SEMA3A: variants seen among roughly 807,000 people sequenced by gnomAD.
SEMA3A encodes the protein semaphorin 3A.
SEMA3A carries 29 observed loss-of-function variants against 97.9 expected under a neutral mutation model. The ratio of observed to expected loss-of-function variants is 0.30; its 90% CI spans 0.22 to 0.40. The LOEUF (loss-of-function observed/expected upper bound fraction) is 0.40, where lower values mean the gene tolerates loss of function less well. SEMA3A is among the 10% of genes least tolerant of loss of function. The pLI, the probability that SEMA3A is intolerant of heterozygous loss-of-function variation, is 1.00. For synonymous variants in SEMA3A, 321 were observed against 323.7 expected (o/e 0.99, Z 0.09); for missense variants, 763 against 951.3 (o/e 0.80, Z 2.60).
intron 1 of SEMA3A, among the ~76,000 whole-genome samples, chr7:84,181,293 A>G (rs1021482288): frequency 6.7e-6 from 1 of 148,862 alleles, no homozygotes; most frequent in African/African-American, 2.4e-5. Flanking sequence ...TCAGGTTTAC[A>G]TGGTCAAACT....
At chr7:83,998,181 A>G (rs1361668223) in intron 12 of SEMA3A, among the ~76,000 whole-genome samples, 1 of 152,136 alleles carries the variant, frequency 6.6e-6, no homozygotes, top group Non-Finnish European at 1.5e-5. Context: ...ACAGAGATAC[A>G]TTCTGAGAAA....
intron 4 of SEMA3A, among the ~76,000 whole-genome samples, chr7:84,086,480 T>G (rs1794354947): frequency 2.0e-5 from 1 of 50,924 alleles, no homozygotes; most frequent in East Asian, 7.1e-4. Flanking sequence ...TGTATTATTA[T>G]ATTATATTTA....
chr7:84,079,794 G>A (rs1186562442), intron 4 of SEMA3A, among the ~76,000 whole-genome samples: 1 of 126,816 alleles, frequency 7.9e-6, no homozygotes, highest in Non-Finnish European at 1.6e-5. Flanking sequence ...AGTCAGTGTG[G>A]CGATTCCTCA....
intron 6 of SEMA3A, among the ~76,000 whole-genome samples, chr7:84,022,017 C>T (rs961322823): frequency 5.3e-5 from 8 of 152,010 alleles, no homozygotes; most frequent in African/African-American, 1.9e-4. Flanking sequence ...AGAAGCTGTT[C>T]TTTTCTTTGC....
At chr7:84,402,451 C>T (rs1377398269) in intron 1 of SEMA3A, among the ~76,000 whole-genome samples, 1 of 152,120 alleles carries the variant, frequency 6.6e-6, no homozygotes, top group African/African-American at 2.4e-5. Flanking sequence ...CCTCAAAAAA[C>T]TATAATTAGA....
At chr7:84,437,017 C>A (rs1374452657) in intron 1 of SEMA3A, among the ~76,000 whole-genome samples, 1 of 152,092 alleles carries the variant, frequency 6.6e-6, no homozygotes, top group Non-Finnish European at 1.5e-5. Context: ...ATGACAGGAA[C>A]ACAGACAAAA....
intron 1 of SEMA3A, among the ~76,000 whole-genome samples, chr7:84,464,433 A>G (rs1451273916): frequency 6.6e-6 from 1 of 152,212 alleles, no homozygotes; most frequent in Non-Finnish European, 1.5e-5. Flanking sequence ...ATATGGAGAA[A>G]GAACGTTCTA....
intron 1 of SEMA3A, among the ~76,000 whole-genome samples, chr7:84,391,851 T>C (rs1276195294): frequency 2.0e-5 from 3 of 151,538 alleles, no homozygotes; most frequent in Non-Finnish European, 4.4e-5. Context: ...TGTATGCCTG[T>C]AGTCCCAGCT....
intron 4 of SEMA3A, among the ~76,000 whole-genome samples, chr7:84,081,060 G>A (rs62473957): frequency 0.53 from 79,770 of 151,524 alleles, 22,015 homozygotes; most frequent in Non-Finnish European, 0.6. Flanking sequence ...AATGCAAGAG[G>A]TTTAAATAAG....
intron 1 of SEMA3A, among the ~76,000 whole-genome samples, chr7:84,384,896 C>T (rs1313821304): frequency 6.6e-6 from 1 of 152,138 alleles, no homozygotes; most frequent in African/African-American, 2.4e-5. Flanking sequence ...CAAAGAAACA[C>T]TCTTAACTAC....
intron 4 of SEMA3A, among the ~76,000 whole-genome samples, chr7:84,088,408 C>T (rs1050995827): frequency 6.6e-6 from 1 of 151,518 alleles, no homozygotes; most frequent in African/African-American, 2.4e-5. Flanking sequence ...GAGCCAAGAT[C>T]GCACCACTGC....
intron 3 of SEMA3A, among the ~76,000 whole-genome samples, chr7:84,270,958 T>A (rs1584189189): frequency 6.6e-6 from 1 of 152,100 alleles, no homozygotes; most frequent in Middle Eastern, 3.4e-3. Flanking sequence ...ATTGAATAGG[T>A]TGACATTTTT....
At chr7:84,268,268 T>TGTGG (rs1328540310) in intron 3 of SEMA3A, among the ~76,000 whole-genome samples, 31 of 151,112 alleles carry the variant, frequency 2.1e-4, no homozygotes, top group Admixed American at 1.3e-3. Context: ...TGTGTGTGTG[T>TGTGG]GTGTGTGTGT....
At chr7:84,234,776 T>A (rs1175818978) in intron 3 of SEMA3A, among the ~76,000 whole-genome samples, 1 of 152,114 alleles carries the variant, frequency 6.6e-6, no homozygotes, top group Non-Finnish European at 1.5e-5. Context: ...TTTATATATC[T>A]GTAGATTTAC....
chr7:84,175,159 T>C (rs1349814507), intron 1 of SEMA3A, among the ~76,000 whole-genome samples: 1 of 152,114 alleles, frequency 6.6e-6, no homozygotes, highest in Non-Finnish European at 1.5e-5. Context: ...TTCCTACTGC[T>C]TGTTCTACTT....
chr7:84,356,267 C>T (rs1185874676), intron 2 of SEMA3A, among the ~76,000 whole-genome samples: 2 of 151,268 alleles, frequency 1.3e-5, no homozygotes, highest in African/African-American at 4.8e-5. Context: ...TTAATTTTCC[C>T]TTATTAAAAG....
In SEMA3A at chr7:84,455,793, A is replaced by G. The variant is rs4732553; in HGVS notation, c.-246+36667T>C. Among the ~76,000 whole-genome samples the G allele has an allele frequency of 0.013, 2,051 of 152,114 alleles. 94 individuals carry two copies. The East Asian group carries it at 0.16, about 12-fold the overall frequency. ...AAATGTTTCCAAATTTCAGGAAGTA[A>G]ACATCTGTTTCATTTTATATATGGG... On this transcript the variant is annotated intron_variant, in intron 1 of 3. Transcript: ENST00000424555.
At chr7:84,097,098 G>A (rs2115879601) in intron 4 of SEMA3A, among the ~76,000 whole-genome samples, 1 of 152,178 alleles carries the variant, frequency 6.6e-6, no homozygotes, top group South Asian at 2.1e-4. Flanking sequence ...GGGACGCCAA[G>A]CATCCATCTG....
intron 12 of SEMA3A, 131 bp from the exon 13 acceptor site, chr7:83,985,608 G>C: frequency 1.4e-6 from 1 of 712,548 alleles, no homozygotes; most frequent in Non-Finnish European, 2.5e-6. Context: ...ATGTGACTGG[G>C]AAATAAGACA....
Sources: gnomAD v4.1 joint callset for allele counts (sites outside exome capture counted in the v4.1 genomes callset) on GRCh38, gnomAD v4.1.1 for gene constraint, MANE v1.5 for transcripts, NCBI Gene and HGNC (gene_info 2026-07-23, HGNC 2026-07-21) for gene names.